The following GALNTL6 variants were observed in gnomAD, a reference collection of about 807,000 sequenced individuals.
GALNTL6 encodes polypeptide N-acetylgalactosaminyltransferase like 6.
GALNTL6 carries 46 observed loss-of-function variants against 73.7 expected under a neutral mutation model. That is an observed-to-expected ratio of 0.62 (90% CI 0.49 to 0.80). The LOEUF is 0.80. GALNTL6 is among the 30% of genes least tolerant of loss of function. The probability of loss-of-function intolerance (pLI) is 0.00; values close to 1 mark genes in which losing one functional copy is unlikely to be tolerated. For missense variants in GALNTL6, 604 were observed against 755.0 expected, an observed-to-expected ratio of 0.80 and a Z score of 2.34; for synonymous variants, 259 against 263.7, an observed-to-expected ratio of 0.98 and a Z score of 0.17.
chr4:172,756,412 G>C (rs1353543328), intron 5 of GALNTL6, among the ~76,000 whole-genome samples: 3 of 150,290 alleles, frequency 2.0e-5, no homozygotes, highest in Non-Finnish European at 3.0e-5. Flanking sequence ...AGGAGGCTGA[G>C]GCGGGCAGAT....
chr4:172,975,602 C>T (rs1242413685), intron 10 of GALNTL6, among the ~76,000 whole-genome samples: 1 of 152,202 alleles, frequency 6.6e-6, no homozygotes, highest in African/African-American at 2.4e-5. Flanking sequence ...GGACCTGTCC[C>T]TTTCTACCCA....
At chr4:172,059,723 T>C (rs1250633331) in intron 2 of GALNTL6, among the ~76,000 whole-genome samples, 1 of 152,212 alleles carries the variant, frequency 6.6e-6, no homozygotes, top group African/African-American at 2.4e-5. Flanking sequence ...TAGATTGCAA[T>C]ATAAAGTGTG....
chr4:172,048,390 G>C (rs1163943574), intron 2 of GALNTL6, among the ~76,000 whole-genome samples: 4 of 152,042 alleles, frequency 2.6e-5, no homozygotes, highest in Non-Finnish European at 4.4e-5. Context: ...TTAAATTTTT[G>C]ATACTATTCC....
chr4:172,005,150 G>A (rs137934029), intron 2 of GALNTL6, among the ~76,000 whole-genome samples: 3 of 151,300 alleles, frequency 2.0e-5, no homozygotes, highest in African/African-American at 7.3e-5. Context: ...TTTGAGACAG[G>A]GTCTCACTCT....
At chr4:172,546,495 T>TAA (rs35015321) in intron 5 of GALNTL6, among the ~76,000 whole-genome samples, 1 of 148,006 alleles carries the variant, frequency 6.8e-6, no homozygotes, top group African/African-American at 2.5e-5. Flanking sequence ...TACACAAGTT[T>TAA]AAAAAAAAAA....
At chr4:171,845,200 C>A (rs1735338565) in intron 2 of GALNTL6, among the ~76,000 whole-genome samples, 1 of 152,070 alleles carries the variant, frequency 6.6e-6, no homozygotes, top group South Asian at 2.1e-4. Flanking sequence ...TTTTTCCATT[C>A]AAAATTATCC....
At chr4:172,195,225 T>A (rs1028416540) in intron 2 of GALNTL6, among the ~76,000 whole-genome samples, 26 of 152,072 alleles carry the variant, frequency 1.7e-4, no homozygotes, top group African/African-American at 6.3e-4. Context: ...AATGGTTCAA[T>A]TCAACAAAAA....
chr4:171,879,189 T>C (rs1019588967), intron 2 of GALNTL6, among the ~76,000 whole-genome samples: 3 of 152,260 alleles, frequency 2.0e-5, no homozygotes, highest in Non-Finnish European at 2.9e-5. Flanking sequence ...CACTAAGCCA[T>C]GAGCTTGTGC....
chr4:171,913,257 G>T (rs963861446), intron 2 of GALNTL6, among the ~76,000 whole-genome samples: 1 of 152,304 alleles, frequency 6.6e-6, no homozygotes, highest in East Asian at 1.9e-4. Context: ...ATTAATCACA[G>T]CATCTCAGCT....
At chr4:172,043,509 CAT>C (rs1560897836) in intron 2 of GALNTL6, among the ~76,000 whole-genome samples, 1 of 152,064 alleles carries the variant, frequency 6.6e-6, no homozygotes, top group Admixed American at 6.6e-5. Context: ...TGTATACACA[CAT>C]GTGCGTGTGC....
At chr4:172,077,832 G>T (rs1731747349) in intron 2 of GALNTL6, among the ~76,000 whole-genome samples, 1 of 152,094 alleles carries the variant, frequency 6.6e-6, no homozygotes, top group African/African-American at 2.4e-5. Flanking sequence ...CTTTATGGCA[G>T]CCCCTCCCAT....
At chr4:172,182,169 A>T (rs1341352921) in intron 2 of GALNTL6, among the ~76,000 whole-genome samples, 2 of 152,230 alleles carry the variant, frequency 1.3e-5, no homozygotes, top group African/African-American at 4.8e-5. Context: ...ATTTCTACAA[A>T]GGGAATAAAA....
At chr4:172,097,212 A>C (rs1035784878) in intron 2 of GALNTL6, among the ~76,000 whole-genome samples, 1 of 152,204 alleles carries the variant, frequency 6.6e-6, no homozygotes. Context: ...GTCATTGGGA[A>C]GCAATATTGG....
In GALNTL6 at chr4:172,609,625, CTGTG is replaced by C. The variant is rs35490374; in HGVS notation, c.554-199698_554-199695del. 6.8e-3 allele frequency among the ~76,000 whole-genome samples: 627 copies of C among 92,760 alleles called. 4 individuals are homozygous for C. The highest frequency in any genetic ancestry group is 0.018 in the African/African-American group (398 of 21,866). The allele number at this position is 92,760 out of a possible 152,430, so 60.9% of individuals were successfully genotyped here. A position where few individuals can be genotyped will look rare whatever the true frequency, so the allele number is the denominator to read the frequency against. On this transcript the variant is annotated intron_variant, in intron 5 of 12. Transcript: ENST00000506823. ...TTTCTCTCTCTCTCTCTCTCTCTCT[CTGTG>C]TGTGTGTGTGTGTGTGTGTGTGTGT...
intron 2 of GALNTL6, among the ~76,000 whole-genome samples, chr4:171,983,548 G>A (rs1388701341): frequency 1.3e-5 from 2 of 151,770 alleles, no homozygotes; most frequent in African/African-American, 2.4e-5. Context: ...CTGGAGTGCA[G>A]TGGTGCCATC....
At position 172,745,944 on chromosome 4, in the gene GALNTL6, G is replaced by A. The variant is rs796740993; in HGVS notation, c.554-63417G>A. On this transcript the variant is annotated intron_variant, in intron 5 of 12. Transcript: ENST00000506823. ...CAAAATTTCATGGGTTTTGGACTAA[G>A]ACATTACTGGTTTTAAATGTTATTA... Among the ~76,000 whole-genome samples, 3 of 152,026 alleles carry A rather than the reference G, an allele frequency of 2.0e-5. No homozygotes were observed. The South Asian group carries it at 6.2e-4, about 32-fold the overall frequency.
At chr4:172,528,099 A>G (rs973699870) in intron 5 of GALNTL6, among the ~76,000 whole-genome samples, 3 of 151,628 alleles carry the variant, frequency 2.0e-5, no homozygotes, top group Non-Finnish European at 1.5e-5. Flanking sequence ...ATCAACTACA[A>G]TATTCTGAGG....
At chr4:172,693,362 C>A (rs1251198119) in intron 5 of GALNTL6, among the ~76,000 whole-genome samples, 4 of 152,110 alleles carry the variant, frequency 2.6e-5, no homozygotes, top group Admixed American at 2.6e-4. Context: ...CTTGCTAATC[C>A]CTGAGTTTAC....
intron 2 of GALNTL6, among the ~76,000 whole-genome samples, chr4:171,881,118 C>T (rs369823007): frequency 1.3e-5 from 2 of 152,056 alleles, no homozygotes; most frequent in Non-Finnish European, 2.9e-5. Context: ...ACTGATGCCC[C>T]TAGCCTTGCA....
Sources: allele counts gnomAD v4.1 joint callset (sites outside exome capture counted in the v4.1 genomes callset), GRCh38; gene constraint gnomAD v4.1.1; transcripts MANE v1.5; gene names NCBI Gene and HGNC (gene_info 2026-07-23, HGNC 2026-07-21).